XIRP2: variants seen among roughly 807,000 people sequenced by gnomAD.
The protein encoded by XIRP2 is xin actin-binding repeat-containing protein 2.
In XIRP2, 236 loss-of-function variants were observed where a neutral mutation model predicts 277.0. The ratio of observed to expected loss-of-function variants is 0.85; its 90% CI spans 0.77 to 0.95. XIRP2 has a LOEUF of 0.95. Among genes scored for constraint, XIRP2 ranks in the 40% least tolerant of loss-of-function variants. The probability of loss-of-function intolerance (pLI) is 0.00; values close to 1 mark genes in which losing one functional copy is unlikely to be tolerated. For synonymous variants in XIRP2, 1,490 were observed against 1,416.5 expected (o/e 1.05, Z -1.17); for missense variants, 4,640 against 4,157.5 (o/e 1.12, Z -3.19).
intron 3 of XIRP2, among the ~76,000 whole-genome samples, chr2:167,137,656 C>T (rs1055219518): frequency 2.0e-5 from 3 of 152,062 alleles, no homozygotes; most frequent in African/African-American, 7.2e-5. Flanking sequence ...GGAGTGTAAC[C>T]ACTATTTACT....
intron 2 of XIRP2, among the ~76,000 whole-genome samples, chr2:167,092,393 C>T (rs1465697765): frequency 6.6e-6 from 1 of 152,072 alleles, no homozygotes; most frequent in Non-Finnish European, 1.5e-5. Flanking sequence ...ACTTCTATGT[C>T]TCTGGCACAC....
chr2:167,050,811 AT>A (rs79052277), intron 2 of XIRP2, among the ~76,000 whole-genome samples: 60,109 of 148,106 alleles, frequency 0.41, 13,812 homozygotes, highest in South Asian at 0.65. Context: ...CTGCTGGCAC[AT>A]TTTTTTTTTT....
At chr2:167,005,120 G>A (rs947105760) in intron 2 of XIRP2, among the ~76,000 whole-genome samples, 1 of 151,836 alleles carries the variant, frequency 6.6e-6, no homozygotes, top group Non-Finnish European at 1.5e-5. Context: ...CCTCTGGCAT[G>A]ATGCATTTGC....
intron 2 of XIRP2, among the ~76,000 whole-genome samples, chr2:166,969,738 C>T (rs138296235): frequency 6.6e-6 from 1 of 151,520 alleles, no homozygotes; most frequent in Non-Finnish European, 1.5e-5. Flanking sequence ...TTCATTATGC[C>T]CTTTCCTTTG....
intron 2 of XIRP2, among the ~76,000 whole-genome samples, chr2:166,966,623 T>G (rs1190685493): frequency 6.6e-6 from 1 of 151,958 alleles, no homozygotes; most frequent in African/African-American, 2.4e-5. Flanking sequence ...CATCTTCTAG[T>G]TCCACTCTAC....
intron 4 of XIRP2, among the ~76,000 whole-genome samples, chr2:167,215,581 C>G (rs1241125793): frequency 1.3e-5 from 2 of 152,174 alleles, no homozygotes; most frequent in Non-Finnish European, 2.9e-5. Flanking sequence ...AGTCCCCAGT[C>G]CATGGTATAG....
intron 2 of XIRP2, among the ~76,000 whole-genome samples, chr2:167,065,605 T>C (rs1186371222): frequency 6.6e-6 from 1 of 152,002 alleles, no homozygotes; most frequent in Middle Eastern, 3.4e-3. Flanking sequence ...AAATCCATTA[T>C]CTTGTAAAAT....
chr2:167,033,228 G>A (rs1269903243), intron 2 of XIRP2, among the ~76,000 whole-genome samples: 1 of 152,026 alleles, frequency 6.6e-6, no homozygotes. Context: ...CTCATAAGTG[G>A]GAGTTGAACA....
At chr2:166,898,482 C>T (rs1402449836) in intron 1 of XIRP2, among the ~76,000 whole-genome samples, 1 of 151,992 alleles carries the variant, frequency 6.6e-6, no homozygotes, top group African/African-American at 2.4e-5. Context: ...CTTTTTTATC[C>T]ATTTAGTTTT....
intron 2 of XIRP2, among the ~76,000 whole-genome samples, chr2:167,133,455 C>T (rs1006067564): frequency 6.6e-6 from 1 of 152,110 alleles, no homozygotes; most frequent in Non-Finnish European, 1.5e-5. Flanking sequence ...TTACTGCCTC[C>T]GTACAAGATG....
chr2:167,071,006 C>T (rs1223172647), intron 2 of XIRP2, among the ~76,000 whole-genome samples: 1 of 152,114 alleles, frequency 6.6e-6, no homozygotes, highest in Non-Finnish European at 1.5e-5. Context: ...TATTTTATAA[C>T]TCAGGCTGAG....
intron 3 of XIRP2, among the ~76,000 whole-genome samples, chr2:167,206,150 T>TGG (rs1693846610): frequency 6.6e-6 from 1 of 152,198 alleles, no homozygotes; most frequent in Non-Finnish European, 1.5e-5. Flanking sequence ...TCTTTTTCCA[T>TGG]GAACTTAAAA....
intron 3 of XIRP2, among the ~76,000 whole-genome samples, chr2:167,182,140 T>G (rs1470799098): frequency 1.3e-5 from 2 of 152,326 alleles, no homozygotes; most frequent in African/African-American, 4.8e-5. Flanking sequence ...TAAATTTAAC[T>G]GCAATTCAAT....
At chr2:166,982,316 G>GT (rs756521659) in intron 2 of XIRP2, among the ~76,000 whole-genome samples, 5,579 of 122,884 alleles carry the variant, frequency 0.045, 166 homozygotes, top group Non-Finnish European at 0.067. Context: ...TTTAGGTACA[G>GT]TTTTTTTTTT....
intron 2 of XIRP2, among the ~76,000 whole-genome samples, chr2:166,979,692 C>A (rs929507162): frequency 4.5e-4 from 69 of 152,164 alleles, no homozygotes; most frequent in African/African-American, 1.5e-3. Flanking sequence ...GTATTGACAG[C>A]TTTTTTAGTC....
intron 2 of XIRP2, 97 bp downstream of exon 2, chr2:166,903,987 T>C (rs1432039270): frequency 7.1e-7 from 1 of 1,402,482 alleles, no homozygotes; most frequent in African/African-American, 1.4e-5. Context: ...CCCGCCAGTA[T>C]TCTAGACAGA....
intron 2 of XIRP2, among the ~76,000 whole-genome samples, chr2:167,127,832 A>G (rs1271538893): frequency 6.6e-6 from 1 of 152,210 alleles, no homozygotes; most frequent in African/African-American, 2.4e-5. Flanking sequence ...GGAAAAGTTC[A>G]GTTTCACTTT....
intron 3 of XIRP2, among the ~76,000 whole-genome samples, chr2:167,142,393 C>T (rs775344456): frequency 6.6e-6 from 1 of 151,670 alleles, no homozygotes; most frequent in Non-Finnish European, 1.5e-5. Context: ...ACTAAAAATA[C>T]AAAAATTAGC....
intron 3 of XIRP2, among the ~76,000 whole-genome samples, chr2:167,166,676 T>C (rs1221396142): frequency 6.6e-6 from 1 of 152,142 alleles, no homozygotes; most frequent in Non-Finnish European, 1.5e-5. Flanking sequence ...TGTGGCACTC[T>C]TTTAAACAAT....
Sources: gnomAD v4.1 joint callset for allele counts (sites outside exome capture counted in the v4.1 genomes callset) on GRCh38, gnomAD v4.1.1 for gene constraint, MANE v1.5 for transcripts, NCBI Gene and HGNC (gene_info 2026-07-23, HGNC 2026-07-21) for gene names.